RGS6: variants seen among roughly 807,000 people sequenced by gnomAD.
RGS6 encodes the protein regulator of G-protein signaling 6.
Under a neutral mutation model 78.5 loss-of-function variants are expected in RGS6, and 30 were observed. The ratio of observed to expected loss-of-function variants is 0.38; its 90% CI spans 0.29 to 0.52. The LOEUF (loss-of-function observed/expected upper bound fraction) is 0.52, where lower values mean the gene tolerates loss of function less well. Ranked by LOEUF, RGS6 falls within the 20% of genes least tolerant of loss-of-function variation. RGS6 has a pLI of 0.85. For synonymous variants in RGS6, 206 were observed against 206.0 expected, an observed-to-expected ratio of 1.00 and a Z score of 0.00; for missense variants, 495 against 609.7, an observed-to-expected ratio of 0.81 and a Z score of 1.98.
the RGS6 span, among the ~76,000 whole-genome samples, chr14:72,581,303 C>A: frequency 2.0e-5 from 3 of 152,166 alleles, no homozygotes; most frequent in Middle Eastern, 3.2e-3. Context: ...ACCTCCAGGG[C>A]TCATTTTTTC....
chr14:72,584,628 A>G, the RGS6 span, among the ~76,000 whole-genome samples: 1 of 152,336 alleles, frequency 6.6e-6, no homozygotes, highest in African/African-American at 2.4e-5. Flanking sequence ...GCATCCTGAC[A>G]GAGGGTGATC....
chr14:72,440,979 G>A (rs1204585858), intron 3 of RGS6, among the ~76,000 whole-genome samples: 15 of 152,278 alleles, frequency 9.9e-5, no homozygotes, highest in South Asian at 8.3e-4. Flanking sequence ...GCATCTGTGC[G>A]TGTGTGCAGG....
chr14:72,287,038 C>A (rs1372971588), intron 2 of RGS6, among the ~76,000 whole-genome samples: 1 of 152,206 alleles, frequency 6.6e-6, no homozygotes, highest in South Asian at 2.1e-4. Flanking sequence ...CCCACCTTGG[C>A]CTCCCAAAGT....
the RGS6 span, among the ~76,000 whole-genome samples, chr14:72,574,643 T>C: frequency 2.6e-5 from 4 of 152,176 alleles, no homozygotes; most frequent in Admixed American, 2.6e-4. Flanking sequence ...TAGTAGAAGA[T>C]ACAGATACGT....
intron 2 of RGS6, among the ~76,000 whole-genome samples, chr14:72,154,922 A>T (rs149687): frequency 0.49 from 74,067 of 152,046 alleles, 18,126 homozygotes; most frequent in South Asian, 0.53. Context: ...AGAAAAACAA[A>T]CCCCAGTGAT....
At chr14:72,316,706 C>T (rs1190002837) in intron 2 of RGS6, among the ~76,000 whole-genome samples, 1 of 152,196 alleles carries the variant, frequency 6.6e-6, no homozygotes, top group Non-Finnish European at 1.5e-5. Context: ...CCTAGGCTGC[C>T]TGCCATTGCA....
chr14:72,157,413 A>C (rs1434315613), intron 2 of RGS6, among the ~76,000 whole-genome samples: 2 of 152,162 alleles, frequency 1.3e-5, no homozygotes, highest in African/African-American at 4.8e-5. Context: ...AACTAGGGAA[A>C]GTCTCTTGTG....
At chr14:72,105,297 C>T (rs2095611536) in intron 2 of RGS6, among the ~76,000 whole-genome samples, 2 of 152,130 alleles carry the variant, frequency 1.3e-5, no homozygotes, top group Non-Finnish European at 2.9e-5. Context: ...TTTATTTGTA[C>T]TTTCCTTATG....
intron 2 of RGS6, among the ~76,000 whole-genome samples, chr14:71,986,198 G>T (rs530702019): frequency 1.3e-5 from 2 of 152,150 alleles, no homozygotes; most frequent in Non-Finnish European, 2.9e-5. Flanking sequence ...CTTCCATTTT[G>T]TGCCTCACTT....
At chr14:72,287,737 C>T (rs2062842530) in intron 2 of RGS6, among the ~76,000 whole-genome samples, 1 of 152,232 alleles carries the variant, frequency 6.6e-6, no homozygotes, top group Non-Finnish European at 1.5e-5. Flanking sequence ...GGATTACAGG[C>T]ATGAGCCACC....
At position 72,116,040 on chromosome 14, in the gene RGS6, C is replaced by G. The variant is rs148789764; in HGVS notation, c.84+151165C>G. 4.4e-3 allele frequency among the ~76,000 whole-genome samples: 674 copies of G among 152,328 alleles called. 5 individuals carry two copies. Among genetic ancestry groups the G allele is most frequent in the African/African-American group, 0.015 (626 of 41,572 alleles). On this transcript the variant is annotated intron_variant, in intron 2 of 17. Coordinates refer to ENST00000553525, the MANE Select transcript of RGS6 (RefSeq NM_001204424.2). ...TTAAACTCCTGAATTTGTAATGACA[C>G]ATTCAAAAGCATTATTTGAGACTAA... is the stretch of plus-strand genomic sequence containing the variant.
At chr14:72,304,695 A>G (rs899379588) in intron 2 of RGS6, among the ~76,000 whole-genome samples, 1 of 152,102 alleles carries the variant, frequency 6.6e-6, no homozygotes, top group Non-Finnish European at 1.5e-5. Flanking sequence ...CCTGACCAAT[A>G]TGGTAAAACC....
Position 72,352,125 on chromosome 14 carries a change from G to A in RGS6, c.115G>A (p.Asp39Asn). Residue 39 changes from aspartate to asparagine, a missense_variant, in exon 3 of 18, where the codon GAC becomes AAC. Coordinates refer to ENST00000553525, the MANE Select transcript of RGS6 (RefSeq NM_001204424.2). ...AGACATCATTACAAAGATGCAAGAT[G>A]ACAAGACAGGGGGTGTGCCCATCAG... Reference protein sequence around the residue: ...IEDIITKMQDDKTGGVPIRTV... With the variant: ...IEDIITKMQDNKTGGVPIRTV... 4 of 1,613,256 alleles carry A rather than the reference G, an allele frequency of 2.5e-6. No homozygotes were observed. The highest frequency in any genetic ancestry group is 3.4e-6 in the Non-Finnish European group (4 of 1,179,650).
chr14:72,005,269 CCT>C (rs1419482606), intron 2 of RGS6, among the ~76,000 whole-genome samples: 1 of 151,912 alleles, frequency 6.6e-6, no homozygotes, highest in Admixed American at 6.6e-5. Flanking sequence ...TGTTTTTCCC[CCT>C]GAGTATAAGA....
chr14:72,458,137 A>G, intron 4 of RGS6, 134 bp from the exon 5 acceptor site: 1 of 653,570 alleles, frequency 1.5e-6, no homozygotes, highest in Non-Finnish European at 2.6e-6. Flanking sequence ...TCACCCCCAC[A>G]CTGAGCAAGG....
chr14:72,540,255 G>T, intron 17 of RGS6, 161 bp downstream of exon 17: 1 of 1,539,482 alleles, frequency 6.5e-7, no homozygotes, highest in Non-Finnish European at 8.6e-7. Context: ...GCGAGTGTCT[G>T]CAGCTTCTCT....
intron 3 of RGS6, among the ~76,000 whole-genome samples, chr14:72,360,082 G>T (rs1239915253): frequency 6.6e-6 from 1 of 152,182 alleles, no homozygotes; most frequent in East Asian, 1.9e-4. Flanking sequence ...TTATAGAAAT[G>T]ACTCAGTGGG....
At chr14:72,228,733 G>A (rs1329927073) in intron 2 of RGS6, among the ~76,000 whole-genome samples, 1 of 152,128 alleles carries the variant, frequency 6.6e-6, no homozygotes, top group Non-Finnish European at 1.5e-5. Context: ...AGACTAGAAA[G>A]ACAAGAAACA....
intron 2 of RGS6, among the ~76,000 whole-genome samples, chr14:72,063,544 G>C (rs2093993210): frequency 6.6e-6 from 1 of 152,180 alleles, no homozygotes; most frequent in Non-Finnish European, 1.5e-5. Flanking sequence ...TGTGGGGTGA[G>C]AGGTAAGGGA....
Sources: gnomAD v4.1 joint callset for allele counts (sites outside exome capture counted in the v4.1 genomes callset) on GRCh38, gnomAD v4.1.1 for gene constraint, MANE v1.5 for transcripts, NCBI Gene and HGNC (gene_info 2026-07-23, HGNC 2026-07-21) for gene names.